The following WDR70 variants were observed in gnomAD, a reference collection of about 807,000 sequenced individuals.
WDR70 encodes the protein WD repeat-containing protein 70.
A neutral mutation model predicts 88.6 loss-of-function variants in WDR70; 53 were observed. The observed-to-expected ratio is 0.60, with a 90% CI of 0.48 to 0.75. The LOEUF (loss-of-function observed/expected upper bound fraction) is 0.75, where lower values mean the gene tolerates loss of function less well. Ranked by LOEUF, WDR70 falls within the 30% of genes least tolerant of loss-of-function variation. The pLI is 0.00. For missense variants in WDR70, 610 were observed against 823.2 expected (o/e 0.74, Z 3.17); for synonymous variants, 280 against 270.0 (o/e 1.04, Z -0.36).
At chr5:37,508,791 T>G (rs1740635765) in intron 8 of WDR70, among the ~76,000 whole-genome samples, 1 of 152,200 alleles carries the variant, frequency 6.6e-6, no homozygotes, top group Non-Finnish European at 1.5e-5. Context: ...GATGGTAGCT[T>G]CATAAAATGA....
intron 10 of WDR70, among the ~76,000 whole-genome samples, chr5:37,621,465 C>A (rs1744503074): frequency 1.3e-5 from 2 of 152,018 alleles, no homozygotes; most frequent in Admixed American, 1.3e-4. Flanking sequence ...AGTAATCATT[C>A]CTCATTCTCC....
intron 13 of WDR70, among the ~76,000 whole-genome samples, chr5:37,716,236 A>G (rs1293927218): frequency 6.6e-6 from 1 of 152,190 alleles, no homozygotes; most frequent in Admixed American, 6.5e-5. Context: ...TAAAGTTATG[A>G]AGGCTGTTGG....
At chr5:37,565,203 G>C (rs868451231) in intron 9 of WDR70, among the ~76,000 whole-genome samples, 2 of 152,106 alleles carry the variant, frequency 1.3e-5, no homozygotes, top group Admixed American at 6.5e-5. Flanking sequence ...TGTAGTTTTT[G>C]TGGGTTTGAA....
chr5:37,536,432 G>A (rs1197928389), intron 9 of WDR70, among the ~76,000 whole-genome samples: 1 of 152,024 alleles, frequency 6.6e-6, no homozygotes, highest in East Asian at 1.9e-4. Context: ...AAATGCTGGG[G>A]ACCAGAAGTA....
chr5:37,617,457 T>G (rs1422242358), intron 10 of WDR70, among the ~76,000 whole-genome samples: 1 of 152,236 alleles, frequency 6.6e-6, no homozygotes, highest in African/African-American at 2.4e-5. Flanking sequence ...GTGGGTGATC[T>G]GTGTTCTTAT....
chr5:37,465,494 A>G (rs1739123624), intron 7 of WDR70, among the ~76,000 whole-genome samples: 1 of 152,192 alleles, frequency 6.6e-6, no homozygotes. Context: ...TTGGAGGAGC[A>G]GTTTCTAGCT....
At chr5:37,712,518 G>A (rs1268259796) in intron 13 of WDR70, among the ~76,000 whole-genome samples, 1 of 151,896 alleles carries the variant, frequency 6.6e-6, no homozygotes, top group Non-Finnish European at 1.5e-5. Context: ...ATGTTTCCTG[G>A]ATCTATTTTG....
At chr5:37,706,714 A>G (rs1747333936) in intron 13 of WDR70, among the ~76,000 whole-genome samples, 1 of 51,940 alleles carries the variant, frequency 1.9e-5, no homozygotes, top group South Asian at 5.5e-4. Flanking sequence ...AGAACAGAGT[A>G]ATACACACAC....
At chr5:37,702,585 C>T (rs1484917517) in intron 12 of WDR70, among the ~76,000 whole-genome samples, 1 of 152,184 alleles carries the variant, frequency 6.6e-6, no homozygotes, top group Non-Finnish European at 1.5e-5. Flanking sequence ...TCCGTAGACA[C>T]TCTTAATGTC....
intron 9 of WDR70, among the ~76,000 whole-genome samples, chr5:37,557,959 T>TTTGAAAACTCTTCTA: frequency 6.8e-6 from 1 of 146,626 alleles, no homozygotes; most frequent in Non-Finnish European, 1.5e-5. Context: ...AAAAGAGTAT[T>TTTGAAAACTCTTCTA]ATGTATATTT....
At chr5:37,633,368 T>G (rs957848370) in intron 10 of WDR70, among the ~76,000 whole-genome samples, 1 of 152,160 alleles carries the variant, frequency 6.6e-6, no homozygotes, top group Non-Finnish European at 1.5e-5. Context: ...TATTCTATAC[T>G]ATATTTATGT....
At chr5:37,606,301 A>T (rs1016420809) in intron 10 of WDR70, among the ~76,000 whole-genome samples, 1 of 152,170 alleles carries the variant, frequency 6.6e-6, no homozygotes, top group African/African-American at 2.4e-5. Context: ...TTCTGTTTTC[A>T]TCTCTACTGT....
chr5:37,738,272 A>G (rs1276168910), intron 17 of WDR70, among the ~76,000 whole-genome samples: 4 of 152,186 alleles, frequency 2.6e-5, no homozygotes, highest in Non-Finnish European at 4.4e-5. Flanking sequence ...ATAATAAACA[A>G]TGGGCCCTGA....
rs577915913 is a variant in WDR70, at chr5:37,447,029, G to A, written c.686+3657G>A. ...ACCTACAGAATGGGAGGAAATTTTT[G>A]CAACCTACCCATCTGACAAAGGGCT... On this transcript the variant is annotated intron_variant, in intron 7 of 17. Coordinates refer to ENST00000265107, the MANE Select transcript of WDR70 (RefSeq NM_018034.4). Among the ~76,000 whole-genome samples, 23 of 152,206 alleles carry A rather than the reference G, an allele frequency of 1.5e-4. No homozygotes were observed. In the South Asian group the frequency reaches 4.6e-3, roughly 30 times the overall value.
At chr5:37,687,547 T>C (rs1453213489) in intron 10 of WDR70, among the ~76,000 whole-genome samples, 4 of 152,138 alleles carry the variant, frequency 2.6e-5, no homozygotes, top group African/African-American at 9.7e-5. Flanking sequence ...TCTAAAAGTT[T>C]CAAAACATTA....
intron 7 of WDR70, among the ~76,000 whole-genome samples, chr5:37,449,902 C>T (rs1343238531): frequency 5.3e-5 from 8 of 152,086 alleles, no homozygotes; most frequent in Admixed American, 2.0e-4. Flanking sequence ...CCCATAGCCC[C>T]GCACCCCCTG....
At chr5:37,648,489 A>G (rs1339168282) in intron 10 of WDR70, among the ~76,000 whole-genome samples, 2 of 151,176 alleles carry the variant, frequency 1.3e-5, no homozygotes, top group Non-Finnish European at 1.5e-5. Flanking sequence ...ACTTTTAAAA[A>G]ATAGTTTTAT....
At chr5:37,706,568 G>A (rs1463911858) in intron 13 of WDR70, among the ~76,000 whole-genome samples, 1 of 152,144 alleles carries the variant, frequency 6.6e-6, no homozygotes, top group Non-Finnish European at 1.5e-5. Context: ...CTGCCACCAT[G>A]TAAGACGTGC....
At chr5:37,481,125 C>T (rs1739652104) in intron 8 of WDR70, among the ~76,000 whole-genome samples, 1 of 152,210 alleles carries the variant, frequency 6.6e-6, no homozygotes, top group South Asian at 2.1e-4. Flanking sequence ...TTGCAGGGTA[C>T]AGCCCCCCTT....
Sources: gnomAD v4.1 joint callset for allele counts (sites outside exome capture counted in the v4.1 genomes callset) on GRCh38, gnomAD v4.1.1 for gene constraint, MANE v1.5 for transcripts, NCBI Gene and HGNC (gene_info 2026-07-23, HGNC 2026-07-21) for gene names.